The following CHIC2 variants were observed in gnomAD, a reference collection of about 807,000 sequenced individuals.
CHIC2 encodes the protein cysteine-rich hydrophobic domain-containing protein 2.
In CHIC2, 14 loss-of-function variants were observed where a neutral mutation model predicts 25.9. The observed-to-expected ratio is 0.54, with a 90% CI of 0.36 to 0.85. The LOEUF is 0.85. Ranked by LOEUF, CHIC2 falls within the 40% of genes least tolerant of loss-of-function variation. CHIC2 has a pLI of 0.01. For missense variants in CHIC2, 146 were observed against 202.0 expected (o/e 0.72, Z 1.68); for synonymous variants, 70 against 72.0 (o/e 0.97, Z 0.14).
intron 5 of CHIC2, among the ~76,000 whole-genome samples, chr4:54,010,745 G>C (rs1198459909): frequency 2.0e-5 from 3 of 151,986 alleles, no homozygotes; most frequent in African/African-American, 7.2e-5. Context: ...TTTTTCTTTA[G>C]ACTTTCTCCT....
the CHIC2 span, among the ~76,000 whole-genome samples, chr4:54,085,109 A>C: frequency 6.6e-6 from 1 of 152,280 alleles, no homozygotes; most frequent in East Asian, 1.9e-4. Context: ...AAAAAGTAAC[A>C]ATTTATGTCA....
the CHIC2 span, among the ~76,000 whole-genome samples, chr4:54,073,498 A>G: frequency 6.6e-5 from 10 of 152,340 alleles, no homozygotes; most frequent in African/African-American, 2.4e-4. Flanking sequence ...TCATGAGGAC[A>G]CTCAAACAGA....
intron 5 of CHIC2, among the ~76,000 whole-genome samples, chr4:54,012,743 T>C (rs1251230215): frequency 6.6e-6 from 1 of 152,132 alleles, no homozygotes; most frequent in Non-Finnish European, 1.5e-5. Context: ...CTCATCATCA[T>C]ACATTAACAT....
At chr4:54,062,252 T>A (rs1265444064) in intron 1 of CHIC2, among the ~76,000 whole-genome samples, 1 of 152,168 alleles carries the variant, frequency 6.6e-6, no homozygotes, top group Non-Finnish European at 1.5e-5. Context: ...GCATACTGTT[T>A]ATTGATGATA....
chr4:54,023,063 T>A (rs1054109343), intron 3 of CHIC2, among the ~76,000 whole-genome samples: 14 of 152,096 alleles, frequency 9.2e-5, no homozygotes, highest in Non-Finnish European at 1.0e-4. Context: ...GCTGACCCCA[T>A]AGATCCTAAT....
chr4:54,059,606 T>G (rs917415960), intron 1 of CHIC2: 3 of 152,052 alleles, frequency 2.0e-5, no homozygotes, highest in Non-Finnish European at 4.4e-5. Flanking sequence ...TCTACCTTAA[T>G]TTGATAATTT....
the CHIC2 span, among the ~76,000 whole-genome samples, chr4:54,083,018 CTTTTTTTTTTTT>C: frequency 1.0e-4 from 7 of 67,918 alleles, no homozygotes; most frequent in South Asian, 1.3e-3. Context: ...TTCTTTCTTT[CTTTTTTTTTTTT>C]TTTTTTTTTT....
At chr4:54,077,444 TG>T in the CHIC2 span, among the ~76,000 whole-genome samples, 1 of 152,180 alleles carries the variant, frequency 6.6e-6, no homozygotes. Flanking sequence ...GGTATATGAA[TG>T]GTCATTCATT....
rs191412584 is a variant in CHIC2, at chr4:54,050,879, T to C, written c.120-1574A>G. Among the ~76,000 whole-genome samples the C allele has an allele frequency of 7.2e-3, 1,091 of 152,082 alleles. 12 individuals carry two copies. Among genetic ancestry groups the C allele is most frequent in the African/African-American group, 0.024 (984 of 41,456 alleles). On this transcript the variant is annotated intron_variant, in intron 1 of 5. Transcript: ENST00000263921. ...CATAGTTAAGCACCACATACTTGTA[T>C]ATATCTTCACTTTAACCAAAAACCC...
chr4:54,064,649 G>A (rs1237961563), upstream of CHIC2: 3 of 1,062,106 alleles, frequency 2.8e-6, no homozygotes, highest in African/African-American at 1.7e-5. This position sits in a 1 kb window ranked among gnomAD's most constrained non-coding sequence, Gnocchi z 4.2. Flanking sequence ...AGCCGGCTAC[G>A]GCATCGCGAG....
intron 3 of CHIC2, among the ~76,000 whole-genome samples, chr4:54,041,752 T>A (rs1387372361): frequency 6.6e-6 from 1 of 152,110 alleles, no homozygotes; most frequent in South Asian, 2.1e-4. Context: ...ATGTAAAGCA[T>A]CTAAGAAAGC....
At chr4:54,074,597 A>AACAC in the CHIC2 span, among the ~76,000 whole-genome samples, 6,805 of 139,646 alleles carry the variant, frequency 0.049, 312 homozygotes, top group African/African-American at 0.12. Flanking sequence ...ACAACACACA[A>AACAC]ACACACACAC....
At chr4:54,037,835 C>T (rs1716442055) in intron 3 of CHIC2, among the ~76,000 whole-genome samples, 1 of 151,904 alleles carries the variant, frequency 6.6e-6, no homozygotes. Context: ...ATCACAAATA[C>T]TTTGAACCAA....
chr4:54,084,976 A>AAAAAAAAAAAAAAAAAAAAAAAC, the CHIC2 span, among the ~76,000 whole-genome samples: 1 of 151,048 alleles, frequency 6.6e-6, no homozygotes, highest in South Asian at 2.1e-4. Flanking sequence ...AAAAAAAAAA[A>AAAAAAAAAAAAAAAAAAAAAAAC]AAAAATCAAA....
At chr4:54,047,525 C>T (rs557663473) in intron 3 of CHIC2, among the ~76,000 whole-genome samples, 2 of 152,018 alleles carry the variant, frequency 1.3e-5, no homozygotes, top group Admixed American at 6.6e-5. Flanking sequence ...TGGAAACCAT[C>T]ATTCTCAGCA....
intron 3 of CHIC2, among the ~76,000 whole-genome samples, chr4:54,018,153 C>A (rs1287215148): frequency 6.6e-6 from 1 of 151,966 alleles, no homozygotes; most frequent in Non-Finnish European, 1.5e-5. Context: ...CATAAAATGG[C>A]TAATATGGTA....
At chr4:54,038,482 T>A (rs569078274) in intron 3 of CHIC2, among the ~76,000 whole-genome samples, 11 of 152,306 alleles carry the variant, frequency 7.2e-5, no homozygotes, top group African/African-American at 2.6e-4. Flanking sequence ...GTCAAAGACC[T>A]AAATACATGG....
At chr4:54,058,555 C>CACAT (rs752028501) in intron 1 of CHIC2, among the ~76,000 whole-genome samples, 1 of 119,248 alleles carries the variant, frequency 8.4e-6, no homozygotes, top group Non-Finnish European at 1.6e-5. Flanking sequence ...CACATACACA[C>CACAT]ACATACACAC....
chr4:54,087,464 A>G, the CHIC2 span: 3 of 781,678 alleles, frequency 3.8e-6, no homozygotes, highest in Non-Finnish European at 5.8e-6. Flanking sequence ...AGTTAATGAA[A>G]TTGTGACAAG....
Sources: allele counts gnomAD v4.1 joint callset (sites outside exome capture counted in the v4.1 genomes callset), GRCh38; gene constraint gnomAD v4.1.1; non-coding constraint Gnocchi (gnomAD v3.1); transcripts MANE v1.5; gene names NCBI Gene and HGNC (gene_info 2026-07-23, HGNC 2026-07-21).